LARS2: variants seen among roughly 807,000 people sequenced by gnomAD.
LARS2 encodes the protein leucyl-tRNA synthetase 2, mitochondrial, also known as leucine--tRNA ligase, mitochondrial.
A neutral mutation model predicts 116.6 loss-of-function variants in LARS2; 81 were observed. That is an observed-to-expected ratio of 0.69 (90% CI 0.58 to 0.84). LARS2 has a LOEUF of 0.84. Among genes scored for constraint, LARS2 ranks in the 40% least tolerant of loss-of-function variants. The pLI, the probability that LARS2 is intolerant of heterozygous loss-of-function variation, is 0.00. For missense variants in LARS2, 968 were observed against 1,114.5 expected (o/e 0.87, Z 1.87); for synonymous variants, 396 against 407.2 (o/e 0.97, Z 0.33).
intron 11 of LARS2, among the ~76,000 whole-genome samples, chr3:45,488,469 A>C (rs1413859575): frequency 1.3e-5 from 2 of 152,164 alleles, no homozygotes; most frequent in East Asian, 3.8e-4. Context: ...GCAGAGGAAA[A>C]AGACTTAAAG....
chr3:45,486,526 C>T (rs1699816610), intron 11 of LARS2, among the ~76,000 whole-genome samples: 3 of 152,170 alleles, frequency 2.0e-5, no homozygotes, highest in Admixed American at 2.0e-4. Flanking sequence ...AGCCAGTCCC[C>T]AGAGTCCCGA....
At chr3:45,476,896 C>T (rs914960559) in intron 10 of LARS2, among the ~76,000 whole-genome samples, 4 of 152,108 alleles carry the variant, frequency 2.6e-5, no homozygotes, top group Non-Finnish European at 4.4e-5. Context: ...TCAGTATAAT[C>T]TAAAGTTCTT....
At chr3:45,432,789 C>G (rs564327086) in intron 6 of LARS2, among the ~76,000 whole-genome samples, 15 of 151,896 alleles carry the variant, frequency 9.9e-5, no homozygotes, top group Middle Eastern at 3.4e-3. Context: ...TAAAGATAAG[C>G]AAAATAGACA....
At chr3:45,510,263 A>C (rs1392149339) in intron 15 of LARS2, among the ~76,000 whole-genome samples, 1 of 151,924 alleles carries the variant, frequency 6.6e-6, no homozygotes, top group Admixed American at 6.6e-5. Context: ...AAATACAAAA[A>C]ATTAGCTGGG....
intron 6 of LARS2, among the ~76,000 whole-genome samples, chr3:45,431,285 C>T (rs189603959): frequency 3.9e-5 from 6 of 152,276 alleles, no homozygotes; most frequent in South Asian, 2.1e-4. Flanking sequence ...GTTATAGCAG[C>T]CCAAGCTGAC....
intron 10 of LARS2, among the ~76,000 whole-genome samples, chr3:45,485,391 G>C (rs1699787503): frequency 6.6e-6 from 1 of 152,126 alleles, no homozygotes; most frequent in Non-Finnish European, 1.5e-5. Flanking sequence ...CTGTATATTT[G>C]AGGTATTTTT....
At chr3:45,458,932 C>CTT in intron 8 of LARS2, 46 bp downstream of exon 8, 2 of 1,593,270 alleles carry the variant, frequency 1.3e-6, no homozygotes, top group East Asian at 4.5e-5. Flanking sequence ...TACATGCTGG[C>CTT]AGGCAACACC....
chr3:45,459,353 A>G (rs974896451), intron 8 of LARS2, among the ~76,000 whole-genome samples: 1 of 152,218 alleles, frequency 6.6e-6, no homozygotes, highest in Non-Finnish European at 1.5e-5. Context: ...TAGACTTCAC[A>G]TGCTTAAATT....
intron 3 of LARS2, among the ~76,000 whole-genome samples, chr3:45,398,858 A>G (rs1199834501): frequency 6.6e-6 from 1 of 152,168 alleles, no homozygotes; most frequent in Non-Finnish European, 1.5e-5. Flanking sequence ...CTTGAACAGT[A>G]GGTCCCCCCA....
At chr3:45,467,521 AAC>A (rs1460046318) in intron 8 of LARS2, among the ~76,000 whole-genome samples, 1 of 152,218 alleles carries the variant, frequency 6.6e-6, no homozygotes, top group Admixed American at 6.5e-5. Context: ...CATATATATA[AAC>A]ACACATACAA....
At chr3:45,463,231 G>C (rs1054588315) in intron 8 of LARS2, among the ~76,000 whole-genome samples, 3 of 152,246 alleles carry the variant, frequency 2.0e-5, no homozygotes, top group Non-Finnish European at 4.4e-5. Flanking sequence ...TTCTCTATTA[G>C]AGTTGTGATT....
At chr3:45,407,242 C>T (rs1377468802) in intron 4 of LARS2, among the ~76,000 whole-genome samples, 4 of 152,174 alleles carry the variant, frequency 2.6e-5, no homozygotes, top group Non-Finnish European at 5.9e-5. Context: ...CAATAATGTA[C>T]GTTCCATCAG....
chr3:45,535,951 T>C (rs938005764), intron 20 of LARS2, among the ~76,000 whole-genome samples: 4 of 152,164 alleles, frequency 2.6e-5, no homozygotes, highest in African/African-American at 9.7e-5. Context: ...AACATTTCTT[T>C]GTAACTTCCT....
chr3:45,423,580 A>G (rs1293900518), intron 6 of LARS2, among the ~76,000 whole-genome samples: 1 of 152,066 alleles, frequency 6.6e-6, no homozygotes, highest in African/African-American at 2.4e-5. Context: ...GTTTACTGTT[A>G]TATTGCAATT....
At chr3:45,460,845 C>A (rs1288405313) in intron 8 of LARS2, among the ~76,000 whole-genome samples, 1 of 152,042 alleles carries the variant, frequency 6.6e-6, no homozygotes, top group Admixed American at 6.5e-5. Flanking sequence ...AGACTAATGA[C>A]AAAATCAAAA....
chr3:45,526,043 G>A (rs948510801), intron 20 of LARS2, among the ~76,000 whole-genome samples: 103 of 152,172 alleles, frequency 6.8e-4, no homozygotes, highest in Non-Finnish European at 2.5e-4. Context: ...CATGAGTTGA[G>A]CAAGATTTTA....
At chr3:45,430,734 G>A (rs968044277) in intron 6 of LARS2, among the ~76,000 whole-genome samples, 3 of 147,388 alleles carry the variant, frequency 2.0e-5, no homozygotes, top group South Asian at 2.2e-4. Context: ...ACAGGCGCCC[G>A]CCACCACGCC....
chr3:45,436,795 G>T, intron 6 of LARS2, among the ~76,000 whole-genome samples: 1 of 74,822 alleles, frequency 1.3e-5, no homozygotes, highest in Non-Finnish European at 2.9e-5. Flanking sequence ...AGCGAGACTC[G>T]TCTCAAAAAA....
intron 18 of LARS2, among the ~76,000 whole-genome samples, chr3:45,518,697 G>A (rs902102185): frequency 3.9e-5 from 6 of 152,044 alleles, no homozygotes; most frequent in African/African-American, 1.4e-4. Flanking sequence ...CATTGTAATG[G>A]GTATCTGATA....
Sources: allele counts gnomAD v4.1 joint callset (sites outside exome capture counted in the v4.1 genomes callset), GRCh38; gene constraint gnomAD v4.1.1; transcripts MANE v1.5; gene names NCBI Gene and HGNC (gene_info 2026-07-23, HGNC 2026-07-21).